Variants in TFDP2 observed in about 807,000 individuals in gnomAD.
The protein encoded by TFDP2 is transcription factor Dp-2 (E2F dimerization partner 2).
In TFDP2, 17 loss-of-function variants were observed where a neutral mutation model predicts 59.3. The ratio of observed to expected loss-of-function variants is 0.29; its 90% CI spans 0.20 to 0.43. The LOEUF is 0.43. Among genes scored for constraint, TFDP2 ranks in the 20% least tolerant of loss-of-function variants. The pLI is 1.00. For missense variants in TFDP2, 391 were observed against 528.8 expected (o/e 0.74, Z 2.56); for synonymous variants, 180 against 194.7 (o/e 0.92, Z 0.63).
rs1043085000 is a variant in TFDP2, at chr3:141,969,355, G to C, written c.732+718C>G. ...AGACCCAGTGTGGTGGCTCATGCCT[G>C]TAACCCCAGCACTTTGGGAGGCTGA... is the stretch of plus-strand genomic sequence containing the variant. On this transcript the variant is annotated intron_variant, in intron 9 of 12. Transcript: ENST00000489671. Among the ~76,000 whole-genome samples the C allele has an allele frequency of 2.0e-5, 3 of 149,066 alleles. No individual in the cohort carries two copies. The South Asian group carries it at 6.3e-4, about 31-fold the overall frequency.
intron 3 of TFDP2, among the ~76,000 whole-genome samples, chr3:142,036,016 T>C (rs1193234916): frequency 2.6e-5 from 4 of 152,194 alleles, no homozygotes; most frequent in Non-Finnish European, 5.9e-5. Flanking sequence ...ATTACAGATA[T>C]GAATTCAATG....
At chr3:142,062,487 C>T (rs2059953901) in intron 3 of TFDP2, among the ~76,000 whole-genome samples, 1 of 149,954 alleles carries the variant, frequency 6.7e-6, no homozygotes, top group Admixed American at 6.7e-5. Context: ...TTTGGAGAAC[C>T]CTGACTAATG....
At chr3:142,005,097 G>T (rs1438351574) in intron 4 of TFDP2, among the ~76,000 whole-genome samples, 1 of 152,184 alleles carries the variant, frequency 6.6e-6, no homozygotes, top group Non-Finnish European at 1.5e-5. Context: ...ACCCAGGCAG[G>T]AGTGCAGTGG....
chr3:142,127,276 C>G (rs920325519), intron 1 of TFDP2, among the ~76,000 whole-genome samples: 2 of 146,212 alleles, frequency 1.4e-5, no homozygotes, highest in African/African-American at 5.0e-5. Flanking sequence ...GCTAGGACTA[C>G]AGACAGACAT....
chr3:141,971,375 A>G lies in TFDP2; in HGVS notation c.664-1234T>C, dbSNP rs1363890135. On this transcript the variant is annotated intron_variant, in intron 8 of 12. Transcript: ENST00000489671. ...AATAAGGTGAAACCTCGTCTCTACTAAAAAAAAAAAAAAAAAAAAAAAAAT... is the reference window on the plus strand; with the variant it reads ...AATAAGGTGAAACCTCGTCTCTACTGAAAAAAAAAAAAAAAAAAAAAAAAT... 5.0e-5 allele frequency among the ~76,000 whole-genome samples: 4 copies of G among 80,494 alleles called. No individual in the cohort carries two copies. The East Asian group carries it at 1.1e-3, about 22-fold the overall frequency. The allele number at this position is 80,494 out of a possible 152,430, so 52.8% of individuals were successfully genotyped here.
chr3:142,007,590 CTAT>C lies in TFDP2; in HGVS notation c.83-2049_83-2047del, dbSNP rs1326497343. ...ATTACATTTATTGTGCACTTTATTT[CTAT>C]TATTATTACACTGTAGTATATAATG... is the stretch of plus-strand genomic sequence containing the variant. On this transcript the variant is annotated intron_variant, in intron 3 of 12. Coordinates refer to ENST00000489671, the MANE Select transcript of TFDP2 (RefSeq NM_001178139.2). Among the ~76,000 whole-genome samples, 4 of 152,202 alleles carry C rather than the reference CTAT, an allele frequency of 2.6e-5. No individual in the cohort carries two copies. The East Asian group carries it at 7.7e-4, about 29-fold the overall frequency.
rs375534291 is a variant in TFDP2 at position 142,000,338 on chromosome 3, T to C, written c.186+5103A>G. ...GGTTTATTCTCTGCTTCAAAGATGA[T>C]GCCTTCTGGTTGCATCCTAATAGCA... On this transcript the variant is annotated intron_variant, in intron 4 of 12. Coordinates refer to ENST00000489671, the MANE Select transcript of TFDP2 (RefSeq NM_001178139.2). The C allele has an allele frequency of 1.3e-4, 89 of 702,696 alleles. No homozygotes were observed. In the East Asian group the frequency reaches 1.8e-3, roughly 14 times the overall value. 43.5% of individuals were successfully genotyped at this position (702,696 alleles called of 1,614,324 possible).
chr3:142,148,402 G>A (rs1433628975), intron 1 of TFDP2, among the ~76,000 whole-genome samples: 1 of 152,174 alleles, frequency 6.6e-6, no homozygotes, highest in East Asian at 1.9e-4. Context: ...CAGCATCCAT[G>A]GCAGTCAATA....
At chr3:142,122,672 G>C (rs1361096629) in intron 1 of TFDP2, among the ~76,000 whole-genome samples, 2 of 152,140 alleles carry the variant, frequency 1.3e-5, no homozygotes, top group Non-Finnish European at 2.9e-5. Context: ...TTATATCCAA[G>C]CAACACACAG....
intron 1 of TFDP2, among the ~76,000 whole-genome samples, chr3:142,110,365 G>A (rs1228462359): frequency 6.6e-6 from 1 of 152,040 alleles, no homozygotes; most frequent in South Asian, 2.1e-4. Context: ...TTAGCCGGGC[G>A]TGGCGGCAAG....
chr3:142,037,521 A>T (rs1422705406), intron 3 of TFDP2, among the ~76,000 whole-genome samples: 1 of 152,230 alleles, frequency 6.6e-6, no homozygotes, highest in African/African-American at 2.4e-5. Flanking sequence ...GGGAGAAGAT[A>T]ATTTCAGGCA....
intron 3 of TFDP2, among the ~76,000 whole-genome samples, chr3:142,041,029 C>A (rs1946940759): frequency 6.6e-6 from 1 of 152,164 alleles, no homozygotes; most frequent in African/African-American, 2.4e-5. Context: ...AATCTGTCTC[C>A]TTCAGCTGTA....
Position 142,149,443 on chromosome 3 carries a change from C to T in TFDP2, c.-353G>A. The stretch of plus-strand genomic sequence containing the variant: ...CCCGCGGGCCGGGCAGCTGCGGCAG[C>T]GCCGCAGCCGAGATCGCTACCGATT... On this transcript the variant is annotated 5_prime_UTR_variant, in exon 1 of 13. Coordinates refer to ENST00000489671, the MANE Select transcript of TFDP2 (RefSeq NM_001178139.2). 2.6e-6 allele frequency: 1 copy of T among 378,534 alleles called. No individual in the cohort carries two copies. Among genetic ancestry groups the T allele is most frequent in the Non-Finnish European group, 4.7e-6 (1 of 213,408 alleles). 23.4% of individuals were successfully genotyped at this position (378,534 alleles called of 1,614,324 possible). A position where few individuals can be genotyped will look rare whatever the true frequency, so the allele number is the denominator to read the frequency against.
intron 4 of TFDP2, among the ~76,000 whole-genome samples, chr3:141,997,581 G>A (rs1943384906): frequency 6.6e-6 from 1 of 152,014 alleles, no homozygotes; most frequent in African/African-American, 2.4e-5. Flanking sequence ...TGGGCATGGT[G>A]GCTCATGCCT....
intron 3 of TFDP2, among the ~76,000 whole-genome samples, chr3:142,084,790 G>A (rs1423673013): frequency 3.3e-5 from 5 of 152,058 alleles, no homozygotes; most frequent in Non-Finnish European, 7.4e-5. Context: ...AACACGTGGA[G>A]ACAGAAAATA....
chr3:141,952,780 T>C, intron 12 of TFDP2, 84 bp from the exon 13 acceptor site: 1 of 1,579,396 alleles, frequency 6.3e-7, no homozygotes, highest in Non-Finnish European at 8.7e-7. Context: ...AGGAAGGAGG[T>C]GCCATTGGTG....
In TFDP2 at chr3:141,966,577, T is replaced by C; in HGVS notation, c.733-2614A>G. 1.3e-5 allele frequency among the ~76,000 whole-genome samples: 2 copies of C among 151,922 alleles called. 1 individual carries two copies. Among genetic ancestry groups the C allele is most frequent in the Non-Finnish European group, 2.9e-5 (2 of 68,044 alleles). ...ACTTATTTTGAACTGACTTATTTGT[T>C]GCCCTTTGATTGATTTCCTTTGGCC... On this transcript the variant is annotated intron_variant, in intron 9 of 12. Transcript: ENST00000489671.
At chr3:142,057,164 G>A (rs912675455) in intron 3 of TFDP2, among the ~76,000 whole-genome samples, 3 of 152,162 alleles carry the variant, frequency 2.0e-5, no homozygotes, top group African/African-American at 7.2e-5. Context: ...TCAGTCATTT[G>A]TGCCTCCCAC....
intron 1 of TFDP2, among the ~76,000 whole-genome samples, chr3:142,125,393 T>G (rs576251424): frequency 1.5e-4 from 23 of 152,316 alleles, no homozygotes; most frequent in African/African-American, 5.3e-4. Context: ...TAAACAGGCA[T>G]AATCTTTTAT....
Sources: gnomAD v4.1 joint callset for allele counts (sites outside exome capture counted in the v4.1 genomes callset) on GRCh38, gnomAD v4.1.1 for gene constraint, MANE v1.5 for transcripts, NCBI Gene and HGNC (gene_info 2026-07-23, HGNC 2026-07-21) for gene names.